Variants in CPA6 observed in about 807,000 individuals in gnomAD.
CPA6 encodes carboxypeptidase B.
Under a neutral mutation model 63.3 loss-of-function variants are expected in CPA6, and 58 were observed. The ratio of observed to expected loss-of-function variants is 0.92; its 90% CI spans 0.74 to 1.14. The LOEUF (loss-of-function observed/expected upper bound fraction) is 1.14, where lower values mean the gene tolerates loss of function less well. Ranked by LOEUF, CPA6 falls within the 50% of genes most tolerant of loss-of-function variation. CPA6 has a pLI of 0.00. For synonymous variants in CPA6, 185 were observed against 179.0 expected (o/e 1.03, Z -0.27); for missense variants, 565 against 526.6 (o/e 1.07, Z -0.71).
intron 2 of CPA6, among the ~76,000 whole-genome samples, chr8:67,619,324 A>G (rs1224277377): frequency 6.6e-6 from 1 of 152,234 alleles, no homozygotes; most frequent in Non-Finnish European, 1.5e-5. Flanking sequence ...ATAGATTACC[A>G]CAAACTTAGC....
chr8:67,579,967 T>A (rs1813725411), intron 2 of CPA6, among the ~76,000 whole-genome samples: 1 of 152,124 alleles, frequency 6.6e-6, no homozygotes, highest in African/African-American at 2.4e-5. Flanking sequence ...AGAAGAAACC[T>A]AAATAAACGA....
intron 8 of CPA6, among the ~76,000 whole-genome samples, chr8:67,443,051 G>A (rs79103191): frequency 6.7e-6 from 1 of 149,814 alleles, no homozygotes; most frequent in Non-Finnish European, 1.5e-5. Flanking sequence ...TGGCAAAAAA[G>A]CTGTCCTAGC....
chr8:67,636,243 A>T (rs1346729853), intron 1 of CPA6, among the ~76,000 whole-genome samples: 1 of 151,608 alleles, frequency 6.6e-6, no homozygotes, highest in Non-Finnish European at 1.5e-5. Context: ...GATTCACCCC[A>T]AGCTCACTGT....
chr8:67,694,008 C>T (rs929130575), intron 1 of CPA6, among the ~76,000 whole-genome samples: 4 of 152,318 alleles, frequency 2.6e-5, no homozygotes, highest in African/African-American at 9.6e-5. Context: ...GCCCCTCCTA[C>T]AACAAAGAAA....
At chr8:67,515,223 A>T (rs1271781338) in intron 3 of CPA6, among the ~76,000 whole-genome samples, 1 of 152,120 alleles carries the variant, frequency 6.6e-6, no homozygotes, top group African/African-American at 2.4e-5. Context: ...AAATCTTAGG[A>T]TTCGCAGCAA....
intron 2 of CPA6, among the ~76,000 whole-genome samples, chr8:67,605,412 C>T (rs1814606636): frequency 6.6e-6 from 1 of 152,132 alleles, no homozygotes; most frequent in South Asian, 2.1e-4. Flanking sequence ...TGCATATAAC[C>T]TACACACATT....
intron 2 of CPA6, among the ~76,000 whole-genome samples, chr8:67,530,838 A>T (rs1271689222): frequency 6.6e-6 from 1 of 152,214 alleles, no homozygotes; most frequent in Non-Finnish European, 1.5e-5. Flanking sequence ...GGAAAATTTG[A>T]TAAGGAAGAA....
chr8:67,495,647 A>C (rs1306834624), intron 6 of CPA6, among the ~76,000 whole-genome samples: 2 of 152,024 alleles, frequency 1.3e-5, no homozygotes, highest in East Asian at 3.9e-4. Flanking sequence ...AAGCTCTCTG[A>C]CAATGGGATG....
At chr8:67,587,594 G>C (rs1020862807) in intron 2 of CPA6, among the ~76,000 whole-genome samples, 2 of 151,992 alleles carry the variant, frequency 1.3e-5, no homozygotes, top group Non-Finnish European at 2.9e-5. Flanking sequence ...TTAGTGTGTT[G>C]GTCAGCAGGC....
intron 1 of CPA6, among the ~76,000 whole-genome samples, chr8:67,745,390 C>T (rs1817988802): frequency 6.6e-6 from 1 of 152,162 alleles, no homozygotes; most frequent in Non-Finnish European, 1.5e-5. Flanking sequence ...TGAAGAAAGG[C>T]ATATAGAAAG....
In CPA6 at chr8:67,575,653, T is replaced by A. The variant is rs1813604038; in HGVS notation, c.192+48523A>T. Among the ~76,000 whole-genome samples, 2 of 152,134 alleles carry A rather than the reference T, an allele frequency of 1.3e-5. 1 individual carries two copies. Among genetic ancestry groups the A allele is most frequent in the South Asian group, 4.1e-4 (2 of 4,828 alleles). ...GAGAGGATCACCTGAGGCCAGGAGT[T>A]CGAGACCAGCCTGGCCAACATGGTG... On this transcript the variant is annotated intron_variant, in intron 2 of 10. Transcript: ENST00000297770.
At chr8:67,581,938 G>A (rs1385718038) in intron 2 of CPA6, among the ~76,000 whole-genome samples, 5 of 152,082 alleles carry the variant, frequency 3.3e-5, no homozygotes, top group Non-Finnish European at 7.4e-5. Flanking sequence ...GGTGTTGAGG[G>A]GGTTGGCTAA....
intron 3 of CPA6, among the ~76,000 whole-genome samples, chr8:67,516,984 A>G (rs1414378692): frequency 1.3e-5 from 2 of 151,998 alleles, no homozygotes; most frequent in African/African-American, 2.4e-5. Context: ...TTTAGTAGAG[A>G]CAGGGTTTCA....
At chr8:67,597,257 G>A (rs1814366677) in intron 2 of CPA6, among the ~76,000 whole-genome samples, 1 of 145,796 alleles carries the variant, frequency 6.9e-6, no homozygotes, top group Non-Finnish European at 1.5e-5. Context: ...GGAGTGCAGT[G>A]GCGTGATCTC....
intron 2 of CPA6, among the ~76,000 whole-genome samples, chr8:67,542,632 A>T (rs1812731792): frequency 6.6e-6 from 1 of 152,232 alleles, no homozygotes; most frequent in Admixed American, 6.5e-5. Context: ...TTAGGGTAAT[A>T]TCAAAAGGAT....
At chr8:67,516,159 A>T (rs1812140809) in intron 3 of CPA6, among the ~76,000 whole-genome samples, 1 of 152,142 alleles carries the variant, frequency 6.6e-6, no homozygotes, top group African/African-American at 2.4e-5. Context: ...CTCTTTGTTC[A>T]TACCCCAGTT....
At chr8:67,632,628 G>C (rs1815368542) in intron 1 of CPA6, among the ~76,000 whole-genome samples, 1 of 152,140 alleles carries the variant, frequency 6.6e-6, no homozygotes, top group Non-Finnish European at 1.5e-5. Context: ...TTTAATATGT[G>C]ATGTTCTCAT....
At chr8:67,688,430 C>T (rs894556666) in intron 1 of CPA6, among the ~76,000 whole-genome samples, 5 of 152,126 alleles carry the variant, frequency 3.3e-5, no homozygotes, top group Admixed American at 1.3e-4. Context: ...ACAAAGGGAA[C>T]GCTCCTTATT....
At chr8:67,561,480 C>G (rs545527094) in intron 2 of CPA6, among the ~76,000 whole-genome samples, 1 of 152,054 alleles carries the variant, frequency 6.6e-6, no homozygotes, top group Non-Finnish European at 1.5e-5. Flanking sequence ...ATTCTAGTCA[C>G]GAGGAAACGT....
Sources: allele counts gnomAD v4.1 joint callset (sites outside exome capture counted in the v4.1 genomes callset), GRCh38; gene constraint gnomAD v4.1.1; transcripts MANE v1.5; gene names NCBI Gene and HGNC (gene_info 2026-07-23, HGNC 2026-07-21).